PTK2: variants seen among roughly 807,000 people sequenced by gnomAD.
PTK2 encodes the protein protein tyrosine kinase 2.
PTK2 carries 45 observed loss-of-function variants against 150.1 expected under a neutral mutation model. The ratio of observed to expected loss-of-function variants is 0.30; its 90% CI spans 0.24 to 0.38. The LOEUF is 0.38. Ranked by LOEUF, PTK2 falls within the 10% of genes least tolerant of loss-of-function variation. The pLI is 1.00. For synonymous variants in PTK2, 432 were observed against 449.2 expected, an observed-to-expected ratio of 0.96 and a Z score of 0.48; for missense variants, 919 against 1,307.3, an observed-to-expected ratio of 0.70 and a Z score of 4.58.
intron 10 of PTK2, among the ~76,000 whole-genome samples, chr8:140,817,444 C>T (rs1050216838): frequency 6.6e-6 from 1 of 152,110 alleles, no homozygotes; most frequent in African/African-American, 2.4e-5. Context: ...AATCACTACA[C>T]TATGTTAAGT....
chr8:140,867,177 G>A (rs1204718062), intron 4 of PTK2, among the ~76,000 whole-genome samples: 1 of 152,124 alleles, frequency 6.6e-6, no homozygotes, highest in Non-Finnish European at 1.5e-5. Context: ...GCTGTGCACA[G>A]AGAAATGACA....
intron 22 of PTK2, among the ~76,000 whole-genome samples, chr8:140,730,672 A>G (rs2100048646): frequency 6.6e-6 from 1 of 152,246 alleles, no homozygotes; most frequent in African/African-American, 2.4e-5. Flanking sequence ...TACAAAAATC[A>G]TAACACAAAA....
intron 8 of PTK2, among the ~76,000 whole-genome samples, chr8:140,820,082 T>G (rs2100107350): frequency 5.0e-5 from 2 of 40,012 alleles, no homozygotes; most frequent in African/African-American, 1.4e-4. Flanking sequence ...TTTGGTTTTT[T>G]TTTTTTTTTT....
chr8:140,981,386 G>T (rs958963613), intron 1 of PTK2, among the ~76,000 whole-genome samples: 1 of 152,148 alleles, frequency 6.6e-6, no homozygotes, highest in Non-Finnish European at 1.5e-5. Context: ...GGGTGGGAGT[G>T]GGATGGGACA....
intron 5 of PTK2, among the ~76,000 whole-genome samples, chr8:140,863,932 A>G (rs1010483142): frequency 1.3e-5 from 2 of 152,202 alleles, no homozygotes; most frequent in African/African-American, 4.8e-5. Context: ...TTTATTGTCT[A>G]TCTAATGCCT....
chr8:140,913,240 G>A (rs1396852541), intron 2 of PTK2, among the ~76,000 whole-genome samples: 2 of 151,216 alleles, frequency 1.3e-5, no homozygotes, highest in African/African-American at 2.4e-5. Context: ...AAGGCCAAAA[G>A]ATAAACTAAT....
chr8:140,985,511 A>G (rs529096614), intron 1 of PTK2, among the ~76,000 whole-genome samples: 1 of 152,098 alleles, frequency 6.6e-6, no homozygotes, highest in Non-Finnish European at 1.5e-5. Flanking sequence ...CAATCTCCAC[A>G]CGGTTCTCAT....
intron 1 of PTK2, among the ~76,000 whole-genome samples, chr8:140,933,988 C>G (rs2100172806): frequency 7.6e-6 from 1 of 130,894 alleles, no homozygotes; most frequent in Non-Finnish European, 1.8e-5. Context: ...TGACATAGAG[C>G]TAAAGGACAA....
intron 5 of PTK2, among the ~76,000 whole-genome samples, chr8:140,853,362 C>G (rs963004234): frequency 8.5e-6 from 1 of 118,312 alleles, no homozygotes; most frequent in Non-Finnish European, 1.7e-5. Flanking sequence ...CACGACAGGC[C>G]CCAGTGTGTG....
chr8:140,849,016 G>A (rs1213699027), intron 5 of PTK2, among the ~76,000 whole-genome samples: 5 of 152,030 alleles, frequency 3.3e-5, no homozygotes, highest in South Asian at 2.1e-4. Flanking sequence ...AACCAAATTC[G>A]CATTGTAAAA....
chr8:140,826,518 C>T (rs912284040), intron 8 of PTK2, among the ~76,000 whole-genome samples: 1 of 152,094 alleles, frequency 6.6e-6, no homozygotes, highest in African/African-American at 2.4e-5. Context: ...TATTTATGAG[C>T]CACTCCATAA....
chr8:140,793,229 G>A, intron 13 of PTK2, 125 bp downstream of exon 13: 1 of 1,016,106 alleles, frequency 9.8e-7, no homozygotes. Context: ...TTCTAGAATT[G>A]TTTCCTAGTT....
intron 17 of PTK2, among the ~76,000 whole-genome samples, chr8:140,748,726 A>G (rs1211124370): frequency 6.6e-6 from 1 of 152,162 alleles, no homozygotes; most frequent in East Asian, 1.9e-4. Flanking sequence ...GTGTGTGAAC[A>G]TGTATGTTAA....
intron 5 of PTK2, among the ~76,000 whole-genome samples, chr8:140,858,708 G>T (rs2100134312): frequency 6.6e-6 from 1 of 152,102 alleles, no homozygotes; most frequent in African/African-American, 2.4e-5. Context: ...TTAGAAAAAT[G>T]GATCTAAATA....
At chr8:140,740,343 A>G (rs1357032408) in intron 20 of PTK2, among the ~76,000 whole-genome samples, 2 of 152,174 alleles carry the variant, frequency 1.3e-5, no homozygotes, top group African/African-American at 2.4e-5. Context: ...GGGAGAGGAT[A>G]TAAGAGGAGA....
chr8:140,922,919 GGA>G (rs1164940688), intron 2 of PTK2, among the ~76,000 whole-genome samples: 2 of 152,132 alleles, frequency 1.3e-5, no homozygotes, highest in Non-Finnish European at 2.9e-5. Context: ...CAGGTGAGCA[GGA>G]GAGAGAGTGG....
At chr8:140,838,061 C>T (rs543680195) in intron 7 of PTK2, among the ~76,000 whole-genome samples, 1 of 145,946 alleles carries the variant, frequency 6.9e-6, no homozygotes, top group Non-Finnish European at 1.5e-5. Flanking sequence ...GACTCCATCT[C>T]AAAAAAAAAA....
intron 16 of PTK2, among the ~76,000 whole-genome samples, chr8:140,760,702 C>T (rs1266075099): frequency 6.6e-6 from 1 of 152,166 alleles, no homozygotes; most frequent in Non-Finnish European, 1.5e-5. Context: ...CTGAATTGTA[C>T]ACTTCAAAAG....
intron 26 of PTK2, among the ~76,000 whole-genome samples, chr8:140,688,171 G>C (rs2100021100): frequency 6.6e-6 from 1 of 152,170 alleles, no homozygotes; most frequent in Non-Finnish European, 1.5e-5. Context: ...GACAGCAGTA[G>C]CAGACAGTAA....
Sources: allele counts gnomAD v4.1 joint callset (sites outside exome capture counted in the v4.1 genomes callset), GRCh38; gene constraint gnomAD v4.1.1; transcripts MANE v1.5; gene names NCBI Gene and HGNC (gene_info 2026-07-23, HGNC 2026-07-21).